PRKAG2: variants seen among roughly 807,000 people sequenced by gnomAD.
PRKAG2 encodes 5'-AMP-activated protein kinase subunit gamma-2.
A neutral mutation model predicts 69.6 loss-of-function variants in PRKAG2; 26 were observed. That is an observed-to-expected ratio of 0.37 (90% CI 0.27 to 0.52). PRKAG2 has a LOEUF of 0.52. Ranked by LOEUF, PRKAG2 falls within the 20% of genes least tolerant of loss-of-function variation. The pLI, the probability that PRKAG2 is intolerant of heterozygous loss-of-function variation, is 0.90. For missense variants in PRKAG2, 557 were observed against 740.0 expected, an observed-to-expected ratio of 0.75 and a Z score of 2.87; for synonymous variants, 293 against 285.0, an observed-to-expected ratio of 1.03 and a Z score of -0.28.
rs534878545 is a variant in PRKAG2, at chr7:151,864,703, G to A, written c.114+11804C>T. ...TCCCCAGGGGTGAAATATCTCCTCG[G>A]ACACTCACTCATCTTCAGTGGTGCA... On this transcript the variant is annotated intron_variant, in intron 1 of 15. Coordinates refer to ENST00000287878, the MANE Select transcript of PRKAG2 (RefSeq NM_016203.4). Among the ~76,000 whole-genome samples the A allele has an allele frequency of 5.9e-5, 9 of 152,234 alleles. No individual in the cohort carries two copies. In the South Asian group the frequency reaches 1.7e-3, roughly 28 times the overall value.
intron 3 of PRKAG2, among the ~76,000 whole-genome samples, chr7:151,734,531 G>A (rs115511261): frequency 1.3e-5 from 2 of 152,126 alleles, no homozygotes; most frequent in African/African-American, 4.8e-5. Flanking sequence ...CATGCAAGCA[G>A]TAACGCTGGC....
At chr7:151,832,053 A>C (rs961351545) in intron 1 of PRKAG2, among the ~76,000 whole-genome samples, 1 of 152,164 alleles carries the variant, frequency 6.6e-6, no homozygotes, top group Admixed American at 6.5e-5. Context: ...GAGGAATCTC[A>C]GGAGTCTGGA....
At chr7:151,589,415 G>A (rs1812500502) in intron 6 of PRKAG2, among the ~76,000 whole-genome samples, 1 of 152,144 alleles carries the variant, frequency 6.6e-6, no homozygotes, top group African/African-American at 2.4e-5. Context: ...CCCCCGTTTT[G>A]GATTCGGGTC....
At chr7:151,824,169 G>C (rs997365293) in intron 1 of PRKAG2, among the ~76,000 whole-genome samples, 5 of 152,162 alleles carry the variant, frequency 3.3e-5, no homozygotes, top group Non-Finnish European at 7.3e-5. Flanking sequence ...GGACTCAAGG[G>C]CATGCCGTAA....
chr7:151,651,481 C>T (rs1030302205), intron 4 of PRKAG2, among the ~76,000 whole-genome samples: 1 of 152,124 alleles, frequency 6.6e-6, no homozygotes, highest in Non-Finnish European at 1.5e-5. Flanking sequence ...GTGGCGAGTG[C>T]CTGTAATCCC....
intron 5 of PRKAG2, among the ~76,000 whole-genome samples, chr7:151,608,738 A>G (rs1432777397): frequency 6.6e-6 from 1 of 152,068 alleles, no homozygotes; most frequent in East Asian, 1.9e-4. Context: ...GTATAAAAAA[A>G]CAAAACAAAA....
intron 3 of PRKAG2, among the ~76,000 whole-genome samples, chr7:151,698,649 G>A (rs1218116377): frequency 6.6e-6 from 1 of 152,180 alleles, no homozygotes; most frequent in Non-Finnish European, 1.5e-5. Context: ...GGCCTCGCCA[G>A]GAGCAGACAC....
At position 151,642,835 on chromosome 7, in the gene PRKAG2, C is replaced by T. The variant is rs185054935; in HGVS notation, c.685-10697G>A. Among the ~76,000 whole-genome samples the T allele has an allele frequency of 4.6e-5, 7 of 152,314 alleles. No homozygotes were observed. The East Asian group carries it at 7.7e-4, about 17-fold the overall frequency. ...TGGATTCTCTATGTTAAATTATCTT[C>T]GAATTTCCAAAATAGGAGACAATGG... On this transcript the variant is annotated intron_variant, in intron 4 of 15. Coordinates refer to ENST00000287878, the MANE Select transcript of PRKAG2 (RefSeq NM_016203.4).
chr7:151,840,114 G>A (rs1310638297), intron 1 of PRKAG2, among the ~76,000 whole-genome samples: 1 of 152,196 alleles, frequency 6.6e-6, no homozygotes, highest in Non-Finnish European at 1.5e-5. Flanking sequence ...CATTACGTTT[G>A]TAATCAGAAA....
At chr7:151,679,491 T>C (rs531561148) in intron 3 of PRKAG2, among the ~76,000 whole-genome samples, 1 of 152,228 alleles carries the variant, frequency 6.6e-6, no homozygotes, top group African/African-American at 2.4e-5. Flanking sequence ...ACAGGGCCCC[T>C]TCAGTGGCAC....
chr7:151,759,628 C>T lies in PRKAG2; in HGVS notation c.466+21524G>A, dbSNP rs1223208247. Among the ~76,000 whole-genome samples the T allele has an allele frequency of 2.0e-5, 3 of 152,232 alleles. No homozygotes were observed. In the East Asian group the frequency reaches 5.8e-4, roughly 29 times the overall value. ...GAGGCGCATTTGAAGGTGAACCGCACTGGAAAAAACCCAGGCAGGAACGAT... is the reference window on the plus strand; with the variant it reads ...GAGGCGCATTTGAAGGTGAACCGCATTGGAAAAAACCCAGGCAGGAACGAT... On this transcript the variant is annotated intron_variant, in intron 3 of 15. Coordinates refer to ENST00000287878, the MANE Select transcript of PRKAG2 (RefSeq NM_016203.4).
intron 3 of PRKAG2, among the ~76,000 whole-genome samples, chr7:151,705,041 C>T (rs1050861195): frequency 2.0e-5 from 3 of 152,206 alleles, no homozygotes; most frequent in Admixed American, 6.5e-5. Context: ...ATAGGAGACA[C>T]CACTGAAATT....
At chr7:151,599,479 T>C (rs943906686) in intron 5 of PRKAG2, among the ~76,000 whole-genome samples, 2 of 152,192 alleles carry the variant, frequency 1.3e-5, no homozygotes, top group Non-Finnish European at 2.9e-5. Flanking sequence ...CCAGATGCTT[T>C]AGAATAAAGG....
intron 3 of PRKAG2, among the ~76,000 whole-genome samples, chr7:151,681,382 G>T (rs6978523): frequency 0.28 from 42,158 of 152,068 alleles, 6,872 homozygotes; most frequent in Middle Eastern, 0.38. Flanking sequence ...AAAACAGGTG[G>T]CACTCTGGAC....
chr7:151,831,961 A>G (rs536935870), intron 1 of PRKAG2, among the ~76,000 whole-genome samples: 1 of 152,188 alleles, frequency 6.6e-6, no homozygotes, highest in East Asian at 1.9e-4. Context: ...TGCATCCACC[A>G]GAACAAACTC....
Position 151,565,054 on chromosome 7 carries a change from G to A in PRKAG2, c.1437+292C>T, listed in dbSNP as rs137867804. 3.8e-3 allele frequency among the ~76,000 whole-genome samples: 573 copies of A among 152,224 alleles called. 5 individuals are homozygous for A. Among genetic ancestry groups the A allele is most frequent in the African/African-American group, 0.013 (529 of 41,540 alleles). On this transcript the variant is annotated intron_variant, in intron 13 of 15. Coordinates refer to ENST00000287878, the MANE Select transcript of PRKAG2 (RefSeq NM_016203.4). Reference sequence around the variant, plus strand: ...GAGGCGAATAAATCAGGCCTCCTACGTGGAAACAAGAACATTTAAAATATA... The same window carrying A: ...GAGGCGAATAAATCAGGCCTCCTACATGGAAACAAGAACATTTAAAATATA...
intron 5 of PRKAG2, among the ~76,000 whole-genome samples, chr7:151,608,687 C>T (rs1818073841): frequency 6.6e-6 from 1 of 151,918 alleles, no homozygotes; most frequent in South Asian, 2.1e-4. Context: ...ATGAAGCACG[C>T]AGGTTTAAAA....
chr7:151,649,112 ATTATTTTATTTTATT>A (rs56728734), intron 4 of PRKAG2, among the ~76,000 whole-genome samples: 31 of 150,682 alleles, frequency 2.1e-4, no homozygotes, highest in Non-Finnish European at 2.7e-4. Context: ...GGAAGGAATG[ATTATTTTATTTTATT>A]TTATTTTATT....
intron 11 of PRKAG2, 116 bp from the exon 12 acceptor site, chr7:151,566,001 A>C (rs1052637317): frequency 7.6e-6 from 9 of 1,181,556 alleles, no homozygotes; most frequent in Non-Finnish European, 2.5e-6. Flanking sequence ...TTTTTCTAAC[A>C]GTCTACCTGG....
Sources: allele counts gnomAD v4.1 joint callset (sites outside exome capture counted in the v4.1 genomes callset), GRCh38; gene constraint gnomAD v4.1.1; transcripts MANE v1.5; gene names NCBI Gene and HGNC (gene_info 2026-07-23, HGNC 2026-07-21).